The following RNF10 variants were observed in gnomAD, a reference collection of about 807,000 sequenced individuals.
RNF10 encodes the protein ring finger protein 10.
A neutral mutation model predicts 91.4 loss-of-function variants in RNF10; 38 were observed. The ratio of observed to expected loss-of-function variants is 0.42; its 90% confidence interval spans 0.32 to 0.54. RNF10 has a LOEUF of 0.54. Ranked by LOEUF, RNF10 falls within the 20% of genes least tolerant of loss-of-function variation. The pLI, the probability that RNF10 is intolerant of heterozygous loss-of-function variation, is 0.16. For missense variants in RNF10, 945 were observed against 1,012.0 expected (o/e 0.93, Z 0.90); for synonymous variants, 364 against 366.3 (o/e 0.99, Z 0.07).
intron 13 of RNF10, among the ~76,000 whole-genome samples, chr12:120,567,823 C>T (rs1875993597): frequency 6.7e-6 from 1 of 149,040 alleles, no homozygotes; most frequent in Non-Finnish European, 1.5e-5. Flanking sequence ...TTTAAAAAAA[C>T]ACCACCACCA....
chr12:120,536,009 A>G (rs1009678500), intron 1 of RNF10, among the ~76,000 whole-genome samples: 3 of 152,202 alleles, frequency 2.0e-5, no homozygotes, highest in Non-Finnish European at 4.4e-5. Context: ...TATTTCAGTC[A>G]CATTAGCAGT....
At chr12:120,562,821 C>A in intron 7 of RNF10, 124 bp from the exon 8 acceptor site, 1 of 1,142,768 alleles carries the variant, frequency 8.8e-7, no homozygotes. Context: ...TAATTCCTTC[C>A]CATTGGGTCT....
Position 120,576,675 on chromosome 12 carries a change from G to GCC in RNF10, c.*11_*12dup. 1 of 1,606,220 alleles carries GCC rather than the reference G, an allele frequency of 6.2e-7. No homozygotes were observed. On this transcript the variant is annotated 3_prime_UTR_variant, in exon 17 of 17. Transcript: ENST00000325954. Reference sequence around the variant, plus strand: ...TCGTCCACACCAAGTGACACTACTGGCCCAGGCTACCTTCTCCATCTGGTT... The same window carrying GCC: ...TCGTCCACACCAAGTGACACTACTGGCCCCCAGGCTACCTTCTCCATCTGGTT...
chr12:120,577,112 CT>C lies in RNF10; in HGVS notation c.*447del. The C allele has an allele frequency of 2.3e-6, 1 of 439,296 alleles. No individual in the cohort carries two copies. The highest frequency in any genetic ancestry group is 4.5e-6 in the Non-Finnish European group (1 of 221,334). The allele number at this position is 439,296 out of a possible 1,614,324, so 27.2% of individuals were successfully genotyped here. A position where few individuals can be genotyped will look rare whatever the true frequency, so the allele number is the denominator to read the frequency against. ...TAAAAAACAGCTGAATCTTTACTAC[CT>C]ATTTAGTTCTCCTTGTTAAAGAAAC... On this transcript the variant is annotated 3_prime_UTR_variant, in exon 17 of 17. Coordinates refer to ENST00000325954, the MANE Select transcript of RNF10 (RefSeq NM_014868.5).
At chr12:120,545,901 C>T (rs1282450222) in intron 1 of RNF10, among the ~76,000 whole-genome samples, 1 of 152,204 alleles carries the variant, frequency 6.6e-6, no homozygotes, top group African/African-American at 2.4e-5. Flanking sequence ...CTGAATTTGA[C>T]CTCTAGAGCT....
Position 120,534,800 on chromosome 12 carries a change from A to C in RNF10, c.-12A>C. ...TCCGCTCCGACTGCCGTCGCCGCCG[A>C]GGCCCCCGTTGATGCCGCTGAGCTC... is the stretch of plus-strand genomic sequence containing the variant. On this transcript the variant is annotated 5_prime_UTR_variant, in exon 1 of 17. Transcript: ENST00000325954. The C allele has an allele frequency of 7.0e-6, 11 of 1,560,616 alleles. No individual in the cohort carries two copies. The highest frequency in any genetic ancestry group is 9.5e-6 in the Non-Finnish European group (11 of 1,160,946).
Position 120,534,579 on chromosome 12 carries a change from C to A in RNF10, c.-233C>A. ...TCCGCCCCGCCAGGCCCGGCCCGGACTCCCGAGCCCCGGCCTCCTCGTCCT... is the reference window on the plus strand; with the variant it reads ...TCCGCCCCGCCAGGCCCGGCCCGGAATCCCGAGCCCCGGCCTCCTCGTCCT... On this transcript the variant is annotated 5_prime_UTR_variant, in exon 1 of 17. Transcript: ENST00000325954. 3.1e-6 allele frequency: 3 copies of A among 977,560 alleles called. No homozygotes were observed. The highest frequency in any genetic ancestry group is 4.0e-6 in the Non-Finnish European group (3 of 747,706). The allele number at this position is 977,560 out of a possible 1,614,324, so 60.6% of individuals were successfully genotyped here. A position where few individuals can be genotyped will look rare whatever the true frequency, so the allele number is the denominator to read the frequency against.
chr12:120,534,786 T>TGCCGTCGCC lies in RNF10; in HGVS notation c.-21_-13dup. ...CCCGCCGCGCCCGCTCCGCTCCGAC[T>TGCCGTCGCC]GCCGTCGCCGCCGAGGCCCCCGTTG... On this transcript the variant is annotated 5_prime_UTR_variant, in exon 1 of 17. Coordinates refer to ENST00000325954, the MANE Select transcript of RNF10 (RefSeq NM_014868.5). 6.5e-7 allele frequency: 1 copy of TGCCGTCGCC among 1,545,088 alleles called. No individual in the cohort carries two copies. Among genetic ancestry groups the TGCCGTCGCC allele is most frequent in the Non-Finnish European group, 8.7e-7 (1 of 1,153,004 alleles).
At chr12:120,565,587 CTG>C (rs1232083930) in intron 12 of RNF10, 58 bp downstream of exon 12, 2 of 1,467,786 alleles carry the variant, frequency 1.4e-6, no homozygotes, top group African/African-American at 1.4e-5. Flanking sequence ...GTATAGAACT[CTG>C]TGTCTGGGAC....
chr12:120,562,271 CTTTTTTTTTTTT>C (rs71076634), intron 7 of RNF10, among the ~76,000 whole-genome samples: 1 of 100,104 alleles, frequency 1.0e-5, no homozygotes, highest in Admixed American at 1.5e-4. Flanking sequence ...TTCTTTCTTT[CTTTTTTTTTTTT>C]TTTTTTTTGA....
In RNF10 at chr12:120,566,700, T is replaced by A; in HGVS notation, c.1886-125T>A. 3 of 869,596 alleles carry A rather than the reference T, an allele frequency of 3.4e-6. No individual in the cohort carries two copies. In the South Asian group the frequency reaches 4.8e-5, roughly 14 times the overall value. The allele number at this position is 869,596 out of a possible 1,614,324, so 53.9% of individuals were successfully genotyped here. A position where few individuals can be genotyped will look rare whatever the true frequency, so the allele number is the denominator to read the frequency against. The stretch of plus-strand genomic sequence containing the variant: ...TCGCTTGAGCCTGGGAGGCAGAGGA[T>A]GCAGTGAACAGAGATCGTACCACTA... On this transcript the variant is annotated intron_variant, in intron 12 of 16. Transcript: ENST00000325954.
At chr12:120,560,410 T>C (rs2137217534) in intron 6 of RNF10, among the ~76,000 whole-genome samples, 1 of 152,284 alleles carries the variant, frequency 6.6e-6, no homozygotes, top group South Asian at 2.1e-4. Context: ...CGCCTTGACC[T>C]CCCAAAGTGC....
At chr12:120,546,318 C>T (rs1872325700) in intron 1 of RNF10, 87 bp from the exon 2 acceptor site, 1 of 1,256,706 alleles carries the variant, frequency 8.0e-7, no homozygotes, top group Admixed American at 2.1e-5. Context: ...GCCTATTCAC[C>T]CTTATTTTTT....
intron 10 of RNF10, among the ~76,000 whole-genome samples, chr12:120,564,714 G>A (rs1875415588): frequency 6.6e-6 from 1 of 152,092 alleles, no homozygotes; most frequent in Admixed American, 6.6e-5. Flanking sequence ...TGGTTCCCAG[G>A]TTTTTTTCTG....
chr12:120,550,697 C>T (rs1395086311), intron 2 of RNF10, among the ~76,000 whole-genome samples: 6 of 150,948 alleles, frequency 4.0e-5, no homozygotes, highest in South Asian at 2.1e-4. Context: ...CCTGGATTCA[C>T]GGCATTCTCC....
At position 120,577,356 on chromosome 12, in the gene RNF10, C is replaced by A; in HGVS notation, c.*690C>A. ...GAGACCTGCTACCCCTAAGATCGAGCTTGTTTTCAGTGACTGGCTTGAGTC... is the reference window on the plus strand; with the variant it reads ...GAGACCTGCTACCCCTAAGATCGAGATTGTTTTCAGTGACTGGCTTGAGTC... On this transcript the variant is annotated 3_prime_UTR_variant, in exon 17 of 17. Transcript: ENST00000325954. 2.9e-6 allele frequency: 1 copy of A among 348,614 alleles called. No homozygotes were observed. The highest frequency in any genetic ancestry group is 5.6e-6 in the Non-Finnish European group (1 of 180,150). The allele number at this position is 348,614 out of a possible 1,614,324, so 21.6% of individuals were successfully genotyped here.
At chr12:120,572,247 T>C (rs1876755080) in intron 14 of RNF10, among the ~76,000 whole-genome samples, 1 of 151,660 alleles carries the variant, frequency 6.6e-6, no homozygotes, top group African/African-American at 2.4e-5. Flanking sequence ...TTTGTATTTT[T>C]AGTAGAGACA....
intron 3 of RNF10, among the ~76,000 whole-genome samples, chr12:120,553,698 C>T (rs1593075674): frequency 6.6e-6 from 1 of 151,480 alleles, no homozygotes; most frequent in Non-Finnish European, 1.5e-5. Flanking sequence ...CCACGGCACC[C>T]AACCAGGAAG....
At chr12:120,541,214 C>T (rs969044834) in intron 1 of RNF10, among the ~76,000 whole-genome samples, 4 of 152,154 alleles carry the variant, frequency 2.6e-5, no homozygotes, top group African/African-American at 9.6e-5. Flanking sequence ...TAAATCTATG[C>T]AAACCGTGAG....
Sources: allele counts gnomAD v4.1 joint callset (sites outside exome capture counted in the v4.1 genomes callset), GRCh38; gene constraint gnomAD v4.1.1; transcripts MANE v1.5; gene names NCBI Gene and HGNC (gene_info 2026-07-23, HGNC 2026-07-21).